Variants in AUTS2 observed in about 807,000 individuals in gnomAD.
AUTS2 encodes autism susceptibility gene 2 protein.
Under a neutral mutation model 112.4 loss-of-function variants are expected in AUTS2, and 17 were observed. The observed-to-expected ratio is 0.15, with a 90% CI of 0.10 to 0.23. AUTS2 has a LOEUF of 0.23. Among genes scored for constraint, AUTS2 ranks in the 10% least tolerant of loss-of-function variants. The pLI, the probability that AUTS2 is intolerant of heterozygous loss-of-function variation, is 1.00. For missense variants in AUTS2, 1,510 were observed against 1,701.6 expected, an observed-to-expected ratio of 0.89 and a Z score of 1.98; for synonymous variants, 751 against 702.7, an observed-to-expected ratio of 1.07 and a Z score of -1.09.
chr7:70,167,432 T>C (rs1473634299), intron 4 of AUTS2, among the ~76,000 whole-genome samples: 1 of 152,024 alleles, frequency 6.6e-6, no homozygotes, highest in Non-Finnish European at 1.5e-5. Context: ...CAAAAACTAA[T>C]AGAATTATAG....
At chr7:70,489,600 C>T (rs1294123246) in intron 5 of AUTS2, among the ~76,000 whole-genome samples, 3 of 152,226 alleles carry the variant, frequency 2.0e-5, no homozygotes, top group African/African-American at 7.2e-5. Context: ...AATTCAGTTA[C>T]ACAGACAGTA....
At chr7:69,995,341 A>G (rs771731998) in intron 2 of AUTS2, among the ~76,000 whole-genome samples, 7 of 152,310 alleles carry the variant, frequency 4.6e-5, no homozygotes, top group Non-Finnish European at 8.8e-5. Flanking sequence ...AATTTCTTTC[A>G]TTTACACAGT....
At chr7:70,630,014 A>G (rs947634796) in intron 5 of AUTS2, among the ~76,000 whole-genome samples, 2 of 152,140 alleles carry the variant, frequency 1.3e-5, no homozygotes, top group Non-Finnish European at 2.9e-5. Flanking sequence ...ATTGAAATGA[A>G]TTTCTGTTCA....
At chr7:69,889,449 A>T (rs892537829) in intron 1 of AUTS2, among the ~76,000 whole-genome samples, 3 of 152,230 alleles carry the variant, frequency 2.0e-5, no homozygotes, top group Non-Finnish European at 2.9e-5. Context: ...AGCAGTGTGC[A>T]GTGGTTCCCA....
chr7:70,561,474 T>A (rs923380543), intron 5 of AUTS2, among the ~76,000 whole-genome samples: 1 of 152,152 alleles, frequency 6.6e-6, no homozygotes, highest in Non-Finnish European at 1.5e-5. Context: ...AAATTTTTTT[T>A]AATTAGCCTG....
chr7:69,725,251 A>C (rs1389193085), intron 1 of AUTS2, among the ~76,000 whole-genome samples: 1 of 152,212 alleles, frequency 6.6e-6, no homozygotes, highest in African/African-American at 2.4e-5. Context: ...AGGACTTACC[A>C]TGATAAATAA....
chr7:70,229,261 A>T (rs989672120), intron 4 of AUTS2, among the ~76,000 whole-genome samples: 7 of 152,094 alleles, frequency 4.6e-5, no homozygotes, highest in African/African-American at 1.7e-4. Flanking sequence ...AGGTGTGCTA[A>T]CAGTGAATTC....
At chr7:70,585,509 T>A (rs1309172760) in intron 5 of AUTS2, among the ~76,000 whole-genome samples, 3 of 152,174 alleles carry the variant, frequency 2.0e-5, no homozygotes, top group African/African-American at 4.8e-5. Flanking sequence ...GAGAGCCCTA[T>A]CAGATGTTGC....
chr7:70,419,832 T>C (rs1795141619), intron 4 of AUTS2, among the ~76,000 whole-genome samples: 1 of 152,270 alleles, frequency 6.6e-6, no homozygotes, highest in South Asian at 2.1e-4. Context: ...AATATATCTC[T>C]TTTTAATCTG....
intron 2 of AUTS2, among the ~76,000 whole-genome samples, chr7:69,900,513 T>C (rs1266951232): frequency 6.6e-6 from 1 of 152,252 alleles, no homozygotes; most frequent in Non-Finnish European, 1.5e-5. Context: ...CCTAAATTTC[T>C]GGCCCCTCTT....
chr7:70,171,183 G>A (rs937260448), intron 4 of AUTS2, among the ~76,000 whole-genome samples: 2 of 152,116 alleles, frequency 1.3e-5, no homozygotes, highest in African/African-American at 4.8e-5. Flanking sequence ...CTTTAAAATG[G>A]AAAGTTAGTA....
rs1791925905 is a variant in AUTS2 at position 70,791,136 on chromosome 7, T to G, written c.*140T>G. On this transcript the variant is annotated 3_prime_UTR_variant, in exon 19 of 19. Coordinates refer to ENST00000342771, the MANE Select transcript of AUTS2 (RefSeq NM_015570.4). ...TTCCCCTTGTAAAAAATGTATAGAC[T>G]CAGTGCACATTTTGAAATGTTTTGT... 1.3e-6 allele frequency: 1 copy of G among 798,296 alleles called. No homozygotes were observed. 49.5% of individuals were successfully genotyped at this position (798,296 alleles called of 1,614,324 possible).
intron 4 of AUTS2, among the ~76,000 whole-genome samples, chr7:70,149,510 T>C (rs1807311636): frequency 6.6e-6 from 1 of 152,082 alleles, no homozygotes; most frequent in Non-Finnish European, 1.5e-5. Flanking sequence ...ACGATCTTCC[T>C]TTTCCATATC....
chr7:69,829,488 A>G (rs895631969), intron 1 of AUTS2, among the ~76,000 whole-genome samples: 13 of 152,192 alleles, frequency 8.5e-5, no homozygotes, highest in Non-Finnish European at 1.9e-4. Context: ...TTTGCAATCC[A>G]TCTGACAAAG....
At chr7:69,642,228 T>TAA (rs780325066) in intron 1 of AUTS2, among the ~76,000 whole-genome samples, 52 of 152,264 alleles carry the variant, frequency 3.4e-4, no homozygotes, top group Middle Eastern at 6.8e-3. Context: ...TGTCATGGAG[T>TAA]AAAACCAAAT....
chr7:70,047,572 T>G (rs1260445842), intron 2 of AUTS2, among the ~76,000 whole-genome samples: 1 of 152,146 alleles, frequency 6.6e-6, no homozygotes, highest in Non-Finnish European at 1.5e-5. Context: ...TTTTACAAGG[T>G]GTGCAGTGTG....
intron 5 of AUTS2, among the ~76,000 whole-genome samples, chr7:70,640,859 C>T (rs966601513): frequency 3.3e-5 from 5 of 152,196 alleles, no homozygotes; most frequent in African/African-American, 1.2e-4. Flanking sequence ...TGCTAGAGCC[C>T]ACGCCGTCAT....
chr7:69,933,656 TTTTTTTGTTTTTTG>T (rs61213945), intron 2 of AUTS2, among the ~76,000 whole-genome samples: 4 of 152,198 alleles, frequency 2.6e-5, no homozygotes, highest in Middle Eastern at 3.4e-3. Flanking sequence ...TTTCCCTTCC[TTTTTTTGTTTTTTG>T]TTTTTTGTTT....
chr7:70,704,632 A>G (rs1012057333), intron 6 of AUTS2, among the ~76,000 whole-genome samples: 4 of 152,226 alleles, frequency 2.6e-5, no homozygotes, highest in South Asian at 2.1e-4. Flanking sequence ...ATGATAGACA[A>G]TTGGAATTGA....
Sources: allele counts gnomAD v4.1 joint callset (sites outside exome capture counted in the v4.1 genomes callset), GRCh38; gene constraint gnomAD v4.1.1; transcripts MANE v1.5; gene names NCBI Gene and HGNC (gene_info 2026-07-23, HGNC 2026-07-21).